Variants in KCNK2 observed in about 807,000 individuals in gnomAD.
KCNK2 encodes potassium two pore domain channel subfamily K member 2, also known as potassium channel subfamily K member 2.
A neutral mutation model predicts 40.5 loss-of-function variants in KCNK2; 21 were observed. That is an observed-to-expected ratio of 0.52 (90% CI 0.37 to 0.75). The LOEUF is 0.75. Among genes scored for constraint, KCNK2 ranks in the 30% least tolerant of loss-of-function variants. KCNK2 has a pLI of 0.00. For missense variants in KCNK2, 399 were observed against 531.6 expected, an observed-to-expected ratio of 0.75 and a Z score of 2.45; for synonymous variants, 191 against 202.2, an observed-to-expected ratio of 0.94 and a Z score of 0.47.
At chr1:215,175,963 G>A (rs1417213118) in intron 5 of KCNK2, among the ~76,000 whole-genome samples, 2 of 152,050 alleles carry the variant, frequency 1.3e-5, no homozygotes, top group Admixed American at 6.6e-5. Context: ...ATAAACACAT[G>A]TGTGTATGTG....
In KCNK2 at chr1:215,021,556, T is replaced by C. The variant is rs529932635; in HGVS notation, c.34+15601T>C. Among the ~76,000 whole-genome samples, 48 of 84,664 alleles carry C rather than the reference T, an allele frequency of 5.7e-4. 1 individual carries two copies. Among genetic ancestry groups the C allele is most frequent in the African/African-American group, 1.9e-3 (48 of 25,226 alleles). 55.5% of individuals were successfully genotyped at this position (84,664 alleles called of 152,430 possible). On this transcript the variant is annotated intron_variant, in intron 1 of 6. Transcript: ENST00000391895. The stretch of plus-strand genomic sequence containing the variant: ...AACCATCTTTTTTTTTTTTTTTTTT[T>C]TTTTTTTGAGACGGAATCTCGCTCT...
intron 1 of KCNK2, among the ~76,000 whole-genome samples, chr1:215,057,343 T>C (rs1056075314): frequency 6.6e-6 from 1 of 152,136 alleles, no homozygotes. Context: ...AAATGTCCCA[T>C]AAATGCAGAG....
chr1:215,235,078 T>C lies in KCNK2; in HGVS notation c.1214T>C (p.Ile405Thr). The C allele has an allele frequency of 3.7e-6, 6 of 1,612,956 alleles. No homozygotes were observed. Among genetic ancestry groups the C allele is most frequent in the South Asian group, 1.1e-5 (1 of 91,042 alleles). The change falls in exon 7 of 7, where the codon ATC (isoleucine) becomes ACC (threonine). Residue 405 changes from isoleucine (I) to threonine (T), a missense_variant. Around this residue, in one of 3 missense-constraint regions of KCNK2, gnomAD observed 103 missense variants for 124.3 expected, o/e 0.83. Coordinates refer to ENST00000444842, the MANE Select transcript of KCNK2 (RefSeq NM_001017425.3). Reference protein sequence around the residue: ...VLPPLLKTESIYLNGLTPHCA... With the variant: ...VLPPLLKTESTYLNGLTPHCA... Reference sequence around the variant, plus strand: ...CCTCCCTTACTGAAGACTGAGAGTATCTATCTGAATGGTTTGACGCCACAC... The same window carrying C: ...CCTCCCTTACTGAAGACTGAGAGTACCTATCTGAATGGTTTGACGCCACAC...
At chr1:215,052,195 C>A (rs1658014504) in intron 1 of KCNK2, among the ~76,000 whole-genome samples, 1 of 151,596 alleles carries the variant, frequency 6.6e-6, no homozygotes, top group South Asian at 2.1e-4. Flanking sequence ...CAGGGTGAAA[C>A]CGGTGAAACT....
intron 1 of KCNK2, among the ~76,000 whole-genome samples, chr1:215,012,106 T>C (rs190866567): frequency 5.5e-4 from 84 of 152,302 alleles, no homozygotes; most frequent in Middle Eastern, 6.8e-3. Context: ...AATGCTGCTC[T>C]TAACGTGCCC....
intron 5 of KCNK2, among the ~76,000 whole-genome samples, chr1:215,186,732 G>A (rs1330523192): frequency 6.6e-6 from 1 of 152,122 alleles, no homozygotes; most frequent in East Asian, 1.9e-4. Context: ...TTTAGTGACT[G>A]GTTACCTTAG....
intron 3 of KCNK2, among the ~76,000 whole-genome samples, chr1:215,132,459 C>G (rs1455885448): frequency 6.6e-6 from 1 of 152,208 alleles, no homozygotes; most frequent in East Asian, 1.9e-4. Flanking sequence ...TTGAGGTTCT[C>G]TCAGGCAGCT....
intron 3 of KCNK2, among the ~76,000 whole-genome samples, chr1:215,133,700 G>A (rs929575105): frequency 6.6e-6 from 1 of 151,684 alleles, no homozygotes. Flanking sequence ...GTGGTAGGGT[G>A]CATATTGCAT....
At chr1:215,111,742 T>C (rs1191476329) in intron 2 of KCNK2, among the ~76,000 whole-genome samples, 1 of 152,006 alleles carries the variant, frequency 6.6e-6, no homozygotes, top group Non-Finnish European at 1.5e-5. Flanking sequence ...TTAGGATCAG[T>C]ATGCGGAGAT....
chr1:215,168,477 G>A (rs1663547878), intron 3 of KCNK2, among the ~76,000 whole-genome samples: 1 of 152,132 alleles, frequency 6.6e-6, no homozygotes. Flanking sequence ...TGATAGACTG[G>A]ATAAGGAAAA....
intron 5 of KCNK2, among the ~76,000 whole-genome samples, chr1:215,173,012 T>C (rs1312903629): frequency 6.6e-6 from 1 of 152,142 alleles, no homozygotes; most frequent in Non-Finnish European, 1.5e-5. Context: ...AGTTCTAGGG[T>C]ACATGTGCAC....
intron 3 of KCNK2, among the ~76,000 whole-genome samples, chr1:215,135,122 T>C (rs12069967): frequency 0.12 from 17,646 of 152,140 alleles, 2,924 homozygotes; most frequent in African/African-American, 0.37. Context: ...GTGCTGTACA[T>C]ATTGATGCAG....
chr1:215,209,463 T>TATATTATATATTATATATA, intron 6 of KCNK2, among the ~76,000 whole-genome samples: 1 of 5,248 alleles, frequency 1.9e-4, no homozygotes, highest in Non-Finnish European at 5.9e-4. Context: ...TTATATATTA[T>TATATTATATATTATATATA]ATATAATATA....
intron 5 of KCNK2, among the ~76,000 whole-genome samples, chr1:215,174,605 A>G (rs973839860): frequency 6.6e-6 from 1 of 152,200 alleles, no homozygotes; most frequent in Non-Finnish European, 1.5e-5. Context: ...ATCCATGAGC[A>G]TGGAATGTTC....
intron 5 of KCNK2, among the ~76,000 whole-genome samples, chr1:215,187,387 T>C (rs1185788518): frequency 1.3e-5 from 2 of 152,216 alleles, no homozygotes; most frequent in Non-Finnish European, 2.9e-5. Context: ...ACTGGAAGTC[T>C]CAGGTGATAA....
intron 3 of KCNK2, among the ~76,000 whole-genome samples, chr1:215,158,484 A>G (rs561657542): frequency 4.5e-4 from 69 of 152,280 alleles, no homozygotes; most frequent in African/African-American, 1.6e-3. Context: ...GGTAGATCAA[A>G]TTAAGTCCTC....
Position 215,223,241 on chromosome 1 carries a change from T to TAAA in KCNK2, c.964-11568_964-11566dup, listed in dbSNP as rs56890763. On this transcript the variant is annotated intron_variant, in intron 6 of 6. Coordinates refer to ENST00000444842, the MANE Select transcript of KCNK2 (RefSeq NM_001017425.3). ...TATCTGTACAGAATAAGCTCTTTTC[T>TAAA]AAAAAAAAAAAAAAAAAAAAAGTCA... is the stretch of plus-strand genomic sequence containing the variant. Among the ~76,000 whole-genome samples the TAAA allele has an allele frequency of 4.8e-3, 537 of 112,038 alleles. 7 individuals carry two copies. Among genetic ancestry groups the TAAA allele is most frequent in the East Asian group, 9.9e-3 (39 of 3,928 alleles). 73.5% of individuals were successfully genotyped at this position (112,038 alleles called of 152,430 possible). A position where few individuals can be genotyped will look rare whatever the true frequency, so the allele number is the denominator to read the frequency against.
At chr1:215,054,557 G>A (rs1331510574) in intron 1 of KCNK2, among the ~76,000 whole-genome samples, 2 of 152,142 alleles carry the variant, frequency 1.3e-5, no homozygotes, top group African/African-American at 2.4e-5. Flanking sequence ...CACACCCACC[G>A]CTGTTCTACC....
chr1:215,178,348 T>G (rs1185357678), intron 5 of KCNK2, among the ~76,000 whole-genome samples: 1 of 152,112 alleles, frequency 6.6e-6, no homozygotes, highest in Non-Finnish European at 1.5e-5. Context: ...GATGCTTTTA[T>G]TTTTTTCTTT....
Sources: gnomAD v4.1 joint callset for allele counts (sites outside exome capture counted in the v4.1 genomes callset) on GRCh38, gnomAD v4.1.1 for gene constraint, gnomAD v4.1.1 regional missense constraint, MANE v1.5 for transcripts, NCBI Gene and HGNC (gene_info 2026-07-23, HGNC 2026-07-21) for gene names.